Variants in LAMA3 observed in about 807,000 individuals in gnomAD.
The protein encoded by LAMA3 is laminin subunit alpha 3, also known as laminin subunit alpha-3.
Under a neutral mutation model 402.0 loss-of-function variants are expected in LAMA3, and 281 were observed. That is an observed-to-expected ratio of 0.70 (90% CI 0.63 to 0.77). The LOEUF (loss-of-function observed/expected upper bound fraction) is 0.77, where lower values mean the gene tolerates loss of function less well. Among genes scored for constraint, LAMA3 ranks in the 30% least tolerant of loss-of-function variants. The pLI is 0.00. For synonymous variants in LAMA3, 1,431 were observed against 1,558.4 expected (o/e 0.92, Z 1.93); for missense variants, 3,840 against 4,215.5 (o/e 0.91, Z 2.47).
intron 38 of LAMA3, 136 bp downstream of exon 38, chr18:23,871,797 A>C (rs1253221389): frequency 1.4e-6 from 1 of 724,150 alleles, no homozygotes; most frequent in African/African-American, 1.8e-5. Context: ...GGCTTATCTT[A>C]TATCTTACTT....
At chr18:23,916,032 GAAAAGAAAAGAAAAAGA>G (rs2081606881) in intron 59 of LAMA3, among the ~76,000 whole-genome samples, 5 of 116,358 alleles carry the variant, frequency 4.3e-5, no homozygotes, top group South Asian at 5.5e-4. Context: ...AAAAAAAAAA[GAAAAGAAAAGAAAAAGA>G]AAAAGAAAAG....
chr18:23,741,718 T>TA (rs960161527), intron 2 of LAMA3, among the ~76,000 whole-genome samples: 3 of 152,198 alleles, frequency 2.0e-5, no homozygotes, highest in South Asian at 2.1e-4. Flanking sequence ...AAAGGTAACT[T>TA]ACGATGGGGA....
intron 32 of LAMA3, among the ~76,000 whole-genome samples, chr18:23,853,360 G>A (rs12605892): frequency 0.17 from 25,167 of 152,026 alleles, 3,111 homozygotes; most frequent in East Asian, 0.59. Flanking sequence ...CGCAACCTCT[G>A]CCTCCAGGGT....
At chr18:23,714,229 C>A (rs1298742499) in intron 2 of LAMA3, among the ~76,000 whole-genome samples, 157 bp downstream of exon 2, 1 of 152,080 alleles carries the variant, frequency 6.6e-6, no homozygotes, top group Non-Finnish European at 1.5e-5. Flanking sequence ...TTCCCTTAAA[C>A]CCAGAATAGG....
At chr18:23,946,042 C>G (rs79743813) in intron 69 of LAMA3, 102 bp from the exon 70 acceptor site, 19,598 of 1,122,176 alleles carry the variant, frequency 0.017, 259 homozygotes, top group Non-Finnish European at 0.018. Flanking sequence ...TTTGAAGGAG[C>G]ATGAAAACAT....
intron 11 of LAMA3, 95 bp from the exon 12 acceptor site, chr18:23,783,928 A>C: frequency 6.9e-7 from 1 of 1,455,848 alleles, no homozygotes; most frequent in South Asian, 1.1e-5. Flanking sequence ...ATAATTAATA[A>C]TCTATATTCC....
intron 67 of LAMA3, among the ~76,000 whole-genome samples, chr18:23,935,416 A>G (rs1366603764): frequency 6.6e-6 from 1 of 152,230 alleles, no homozygotes; most frequent in Non-Finnish European, 1.5e-5. Flanking sequence ...GGGGCTATTA[A>G]TGTGGAAAAC....
In LAMA3 at chr18:23,879,436, T is replaced by C. The variant is rs1276188959; in HGVS notation, c.5113-2500T>C. 6.6e-6 allele frequency among the ~76,000 whole-genome samples: 1 copy of C among 152,204 alleles called. No individual in the cohort carries two copies. Among genetic ancestry groups the C allele is most frequent in the Non-Finnish European group, 1.5e-5 (1 of 68,026 alleles). ...GGCCCTCGCAGGCAGCCCCTCCTCC[T>C]GCTCTCGTGGGATGCTGGCACACTT... On this transcript the variant is annotated intron_variant, in intron 39 of 74. Transcript: ENST00000313654. The surrounding 1 kb of genome is among the most constrained non-coding windows in gnomAD (Gnocchi z 4.2).
chr18:23,748,494 A>G (rs937475740), intron 3 of LAMA3, among the ~76,000 whole-genome samples: 5 of 151,374 alleles, frequency 3.3e-5, no homozygotes, highest in Non-Finnish European at 7.4e-5. Flanking sequence ...TTTAACCTCT[A>G]AATTACTCTC....
chr18:23,821,944 C>T lies in LAMA3; in HGVS notation c.2305-308C>T, dbSNP rs1941522. Among the ~76,000 whole-genome samples the T allele has an allele frequency of 8.6e-3, 1,314 of 152,336 alleles. 12 individuals are homozygous for T. The highest frequency in any genetic ancestry group is 0.066 in the South Asian group (319 of 4,824). On this transcript the variant is annotated intron_variant, in intron 19 of 74. Transcript: ENST00000313654. ...GCTCCGTCACTGTGGCTTTCTTAAA[C>T]TAGCCCATCTAATACTCCACTCTGT...
At chr18:23,868,544 C>T (rs1431078919) in intron 37 of LAMA3, among the ~76,000 whole-genome samples, 3 of 152,002 alleles carry the variant, frequency 2.0e-5, no homozygotes, top group African/African-American at 7.3e-5. Context: ...CCCAGGAGGT[C>T]GAAGCTGCAG....
chr18:23,795,482 T>C (rs1010128091), intron 12 of LAMA3, among the ~76,000 whole-genome samples: 1 of 152,200 alleles, frequency 6.6e-6, no homozygotes, highest in Admixed American at 6.5e-5. Context: ...ATAAAATACA[T>C]TTGAGTAAGA....
intron 7 of LAMA3, among the ~76,000 whole-genome samples, chr18:23,760,647 T>C (rs1050064230): frequency 6.6e-6 from 1 of 152,224 alleles, no homozygotes; most frequent in Non-Finnish European, 1.5e-5. Flanking sequence ...AGAAGTGTTA[T>C]ATACTACTTG....
intron 35 of LAMA3, among the ~76,000 whole-genome samples, chr18:23,862,984 G>A (rs1046077052): frequency 6.6e-6 from 1 of 151,826 alleles, no homozygotes; most frequent in Non-Finnish European, 1.5e-5. Context: ...ACTTATGGGG[G>A]GTGGGTAACA....
chr18:23,931,432 G>A, intron 65 of LAMA3: 1 of 505,976 alleles, frequency 2.0e-6, no homozygotes, highest in South Asian at 2.4e-5. Flanking sequence ...TGAGGCAAGA[G>A]GGTTGCTTGA....
At chr18:23,907,495 A>G (rs1298085943) in intron 52 of LAMA3, 55 bp from the exon 53 acceptor site, 6 of 1,264,058 alleles carry the variant, frequency 4.7e-6, no homozygotes, top group Non-Finnish European at 5.8e-6. Flanking sequence ...ACAAATACCA[A>G]TGGAGGATCA....
intron 8 of LAMA3, among the ~76,000 whole-genome samples, chr18:23,772,837 T>C (rs1347654319): frequency 6.6e-6 from 1 of 152,224 alleles, no homozygotes; most frequent in Non-Finnish European, 1.5e-5. Flanking sequence ...ATGAGCTAGA[T>C]CCATAGTTTT....
At chr18:23,909,530 G>A (rs990215447) in intron 55 of LAMA3, among the ~76,000 whole-genome samples, 3 of 152,146 alleles carry the variant, frequency 2.0e-5, no homozygotes, top group African/African-American at 7.2e-5. Flanking sequence ...TGCCCCCATT[G>A]AGTTTATTCA....
intron 38 of LAMA3, among the ~76,000 whole-genome samples, chr18:23,876,069 G>A (rs920512161): frequency 6.6e-6 from 1 of 152,190 alleles, no homozygotes; most frequent in South Asian, 2.1e-4. Context: ...TTCCAGCTAC[G>A]TTGGAGGCTG....
Sources: gnomAD v4.1 joint callset for allele counts (sites outside exome capture counted in the v4.1 genomes callset) on GRCh38, gnomAD v4.1.1 for gene constraint, Gnocchi (gnomAD v3.1) non-coding constraint, MANE v1.5 for transcripts, NCBI Gene and HGNC (gene_info 2026-07-23, HGNC 2026-07-21) for gene names.